The following ITGAM variants were observed in gnomAD, a reference collection of about 807,000 sequenced individuals.
ITGAM encodes integrin subunit alpha M.
ITGAM carries 79 observed loss-of-function variants against 137.5 expected under a neutral mutation model. The observed-to-expected ratio is 0.57, with a 90% confidence interval of 0.48 to 0.69. The LOEUF (loss-of-function observed/expected upper bound fraction) is 0.69. Ranked by LOEUF, ITGAM falls within the 30% of genes least tolerant of loss-of-function variation. The pLI is 0.00. For synonymous variants in ITGAM, 583 were observed against 592.3 expected (o/e 0.98, Z 0.23); for missense variants, 1,343 against 1,483.5 (o/e 0.91, Z 1.56).
At chr16:31,265,947 T>TG in intron 4 of ITGAM, 66 bp downstream of exon 4, 1 of 1,593,512 alleles carries the variant, frequency 6.3e-7, no homozygotes, top group Admixed American at 1.7e-5. Flanking sequence ...ATGGTGGGGC[T>TG]GGGGGTCTTG....
In ITGAM at chr16:31,330,050, C is replaced by G. The variant is rs1277859219; in HGVS notation, c.2977-31C>G. 2.5e-6 allele frequency: 4 copies of G among 1,606,586 alleles called. No homozygotes were observed. In the Admixed American group the frequency reaches 6.8e-5, roughly 27 times the overall value. ...AGATGAGGCCCTGGCGCCTTCATCT[C>G]TGCCCCTTCTCAGTGCGTCTCTTTC... On this transcript the variant is annotated intron_variant, in intron 25 of 29. Transcript: ENST00000544665.
In ITGAM at chr16:31,324,296, C is replaced by T. The variant is rs185033494; in HGVS notation, c.2003-103C>T. ...GACTCAGAGAAGTCAGATAACATAC[C>T]CCAAGTCACACAGCTGAGAAGCAGA... On this transcript the variant is annotated intron_variant, in intron 16 of 29. Coordinates refer to ENST00000544665, the MANE Select transcript of ITGAM (RefSeq NM_000632.4). The surrounding 1 kb of genome is among the most constrained non-coding windows in gnomAD (Gnocchi z 4.5). The T allele has an allele frequency of 2.2e-6, 2 of 916,738 alleles. No individual in the cohort carries two copies. Among genetic ancestry groups the T allele is most frequent in the East Asian group, 5.3e-5 (2 of 37,580 alleles). 56.8% of individuals were successfully genotyped at this position (916,738 alleles called of 1,614,324 possible). A position where few individuals can be genotyped will look rare whatever the true frequency, so the allele number is the denominator to read the frequency against.
chr16:31,284,456 C>T (rs571706783), intron 12 of ITGAM, among the ~76,000 whole-genome samples: 174 of 149,476 alleles, frequency 1.2e-3, no homozygotes, highest in Middle Eastern at 6.8e-3. Flanking sequence ...CTCACTGCCA[C>T]CTTGCAGCTT....
intron 14 of ITGAM, among the ~76,000 whole-genome samples, chr16:31,315,625 T>G (rs2080383127): frequency 6.6e-6 from 1 of 151,766 alleles, no homozygotes; most frequent in African/African-American, 2.4e-5. Context: ...GCCTGGCTAC[T>G]TTTTTGTATA....
chr16:31,320,822 A>G (rs1275026183), intron 14 of ITGAM, among the ~76,000 whole-genome samples: 1 of 152,164 alleles, frequency 6.6e-6, no homozygotes, highest in Non-Finnish European at 1.5e-5. Flanking sequence ...AATGAAATTC[A>G]GCTGAGCCAA....
At chr16:31,331,385 T>C in intron 29 of ITGAM, 110 bp downstream of exon 29, 1 of 724,414 alleles carries the variant, frequency 1.4e-6, no homozygotes, top group South Asian at 1.7e-5. Context: ...CTGGGGCGAG[T>C]CTGGGAGCCT....
At chr16:31,328,686 GTATT>G (rs2080537956) in intron 23 of ITGAM, among the ~76,000 whole-genome samples, 1 of 150,938 alleles carries the variant, frequency 6.6e-6, no homozygotes, top group Admixed American at 6.6e-5. Flanking sequence ...GCATGGGTGT[GTATT>G]TGTGCATGTG....
intron 5 of ITGAM, among the ~76,000 whole-genome samples, chr16:31,267,888 C>G (rs1445169410): frequency 6.6e-6 from 1 of 152,094 alleles, no homozygotes; most frequent in Admixed American, 6.5e-5. Flanking sequence ...AAGAGATCTT[C>G]CCACCTCAGC....
intron 6 of ITGAM, among the ~76,000 whole-genome samples, chr16:31,271,445 C>A (rs946407395): frequency 6.6e-6 from 1 of 152,196 alleles, no homozygotes; most frequent in Admixed American, 6.5e-5. Context: ...CTCCGCCTCC[C>A]GGGTTCAAGC....
In ITGAM at chr16:31,321,493, T is replaced by C. The variant is rs1567278148; in HGVS notation, c.1868T>C (p.Ile623Thr). The change falls in exon 16 of 30, where the codon ATC becomes ACC. Residue 623 changes from isoleucine to threonine, a missense_variant. Transcript: ENST00000544665. ...RSQPVLRVKA[I>T]MEFNPREVAR... ...CAGCCAGTACTGAGAGTCAAGGCAA[T>C]CATGGAGTTCAATCCCAGGGAAGTG... The C allele has an allele frequency of 7.4e-6, 12 of 1,613,998 alleles. No individual in the cohort carries two copies. The highest frequency in any genetic ancestry group is 8.5e-6 in the Non-Finnish European group (10 of 1,179,896).
chr16:31,325,659 G>T, intron 21 of ITGAM, 37 bp downstream of exon 21: 2 of 1,591,068 alleles, frequency 1.3e-6, no homozygotes, highest in East Asian at 2.2e-5. Flanking sequence ...TTTTCTCTTT[G>T]ATTTCTTTGG....
At chr16:31,325,748 TAC>T in intron 21 of ITGAM, 126 bp downstream of exon 21, 2 of 1,130,522 alleles carry the variant, frequency 1.8e-6, no homozygotes, top group Non-Finnish European at 2.5e-6. Context: ...ATAATTCATA[TAC>T]CATCCAATTC....
chr16:31,296,911 A>G (rs954168334), intron 12 of ITGAM, among the ~76,000 whole-genome samples: 6 of 152,216 alleles, frequency 3.9e-5, no homozygotes, highest in Non-Finnish European at 8.8e-5. Context: ...CAAATAACAA[A>G]TAGTTATTTT....
chr16:31,272,809 C>T (rs1488508556), intron 7 of ITGAM, among the ~76,000 whole-genome samples: 1 of 151,592 alleles, frequency 6.6e-6, no homozygotes, highest in Non-Finnish European at 1.5e-5. Context: ...AGTAATAATA[C>T]TCAGTTAAAA....
Position 31,331,782 on chromosome 16 carries a change from C to T in ITGAM, c.*75C>T. ...CAGACCACACGTAGCCCCCAGGCTG[C>T]TGGACACGTCGGACAGCGAAGTATC... On this transcript the variant is annotated 3_prime_UTR_variant, in exon 30 of 30. Transcript: ENST00000544665. 8.4e-7 allele frequency: 1 copy of T among 1,191,258 alleles called. No homozygotes were observed. The highest frequency in any genetic ancestry group is 1.2e-6 in the Non-Finnish European group (1 of 846,544). 73.8% of individuals were successfully genotyped at this position (1,191,258 alleles called of 1,614,324 possible).
chr16:31,324,899 A>G lies in ITGAM; in HGVS notation c.2290-59A>G. 6.4e-7 allele frequency: 1 copy of G among 1,553,776 alleles called. No homozygotes were observed. The highest frequency in any genetic ancestry group is 8.7e-7 in the Non-Finnish European group (1 of 1,145,646). On this transcript the variant is annotated intron_variant, in intron 18 of 29. Coordinates refer to ENST00000544665, the MANE Select transcript of ITGAM (RefSeq NM_000632.4). The surrounding 1 kb of genome is among the most constrained non-coding windows in gnomAD (Gnocchi z 4.5). ...CTTCAACATTTGATTTTATTGTTTAATTTCACAATACTTGGTTATTTTCTT... is the reference window on the plus strand; with the variant it reads ...CTTCAACATTTGATTTTATTGTTTAGTTTCACAATACTTGGTTATTTTCTT...
In ITGAM at chr16:31,270,941, T is replaced by C. The variant is rs2079832363; in HGVS notation, c.428-13T>C. 2 of 1,467,618 alleles carry C rather than the reference T, an allele frequency of 1.4e-6. No individual in the cohort carries two copies. Among genetic ancestry groups the C allele is most frequent in the Non-Finnish European group, 1.8e-6 (2 of 1,096,170 alleles). The allele number at this position is 1,467,618 out of a possible 1,614,324, so 90.9% of individuals were successfully genotyped here. A position where few individuals can be genotyped will look rare whatever the true frequency, so the allele number is the denominator to read the frequency against. On this transcript the variant is annotated splice_polypyrimidine_tract_variant and intron_variant, in intron 5 of 29. Transcript: ENST00000544665. ...TCAAATTACTTGATTCATACTCTTTTCCCCTTCCCCAGGGTGTCCTCAAGA... is the reference window on the plus strand; with the variant it reads ...TCAAATTACTTGATTCATACTCTTTCCCCCTTCCCCAGGGTGTCCTCAAGA...
At chr16:31,271,122 G>T in intron 6 of ITGAM, 38 bp downstream of exon 6, 1 of 1,438,976 alleles carries the variant, frequency 6.9e-7, no homozygotes, top group Non-Finnish European at 9.3e-7. Flanking sequence ...GAGCCCACAC[G>T]GGGCTGGAAG....
intron 25 of ITGAM, 29 bp downstream of exon 25, chr16:31,329,934 C>T (rs368099350): frequency 2.0e-6 from 3 of 1,537,822 alleles, no homozygotes; most frequent in South Asian, 2.4e-5. Context: ...GACTCCTGCA[C>T]GGCCCTGCGC....
Sources: allele counts gnomAD v4.1 joint callset (sites outside exome capture counted in the v4.1 genomes callset), GRCh38; gene constraint gnomAD v4.1.1; non-coding constraint Gnocchi (gnomAD v3.1); transcripts MANE v1.5; gene names NCBI Gene and HGNC (gene_info 2026-07-23, HGNC 2026-07-21).